TMPRSS2: variants seen among roughly 807,000 people sequenced by gnomAD.
TMPRSS2 encodes the protein transmembrane protease serine 2.
In TMPRSS2, 59 loss-of-function variants were observed where a neutral mutation model predicts 67.4. The ratio of observed to expected loss-of-function variants is 0.88; its 90% CI spans 0.71 to 1.09. TMPRSS2 has a LOEUF of 1.09. TMPRSS2 is among the 50% of genes least tolerant of loss of function. The pLI, the probability that TMPRSS2 is intolerant of heterozygous loss-of-function variation, is 0.00. For missense variants in TMPRSS2, 668 were observed against 642.7 expected (o/e 1.04, Z -0.43); for synonymous variants, 257 against 257.0 (o/e 1.00, Z 0.00).
intron 5 of TMPRSS2, among the ~76,000 whole-genome samples, chr21:41,483,240 G>A (rs796804586): frequency 6.6e-5 from 10 of 152,122 alleles, no homozygotes; most frequent in African/African-American, 1.9e-4. Context: ...ACCTAAAACC[G>A]CTCTAAAATA....
chr21:41,505,602 A>G, intron 1 of TMPRSS2, among the ~76,000 whole-genome samples: 1 of 152,176 alleles, frequency 6.6e-6, no homozygotes, highest in East Asian at 1.9e-4. Context: ...TCATACTGCT[A>G]GAGGGAGCAG....
intron 1 of TMPRSS2, among the ~76,000 whole-genome samples, chr21:41,501,522 T>C (rs2091423420): frequency 6.9e-6 from 1 of 145,196 alleles, no homozygotes; most frequent in Admixed American, 7.2e-5. Flanking sequence ...GGCAGGAGAA[T>C]CACTTGAACC....
intron 1 of TMPRSS2, chr21:41,507,855 G>T: frequency 3.6e-6 from 5 of 1,376,758 alleles, no homozygotes; most frequent in South Asian, 2.9e-5. Context: ...GCTCTCGGCC[G>T]TGCGCAAGGG....
At chr21:41,502,103 A>T (rs1308590675) in intron 1 of TMPRSS2, among the ~76,000 whole-genome samples, 2 of 152,158 alleles carry the variant, frequency 1.3e-5, no homozygotes, top group East Asian at 3.8e-4. Flanking sequence ...TCCATCCTGG[A>T]CTGAGAGCTG....
At position 41,479,197 on chromosome 21, in the gene TMPRSS2, C is replaced by T. The variant is rs777951933; in HGVS notation, c.658G>A (p.Asp220Asn). Residue 220 changes from aspartate to asparagine, a missense_variant, in exon 7 of 14, where the codon GAT becomes AAT. Transcript: ENST00000332149. ...MKLNTSAGNV[D>N]IYKKLYHSDA... is the part of the protein sequence containing the mutation. Reference sequence around the variant, plus strand: ...CTGTGGTACAGTTTTTTATAGATATCGACATTGCCGGCACTTGTGTTCAGT... The same window carrying T: ...CTGTGGTACAGTTTTTTATAGATATTGACATTGCCGGCACTTGTGTTCAGT... 7 of 1,613,780 alleles carry T rather than the reference C, an allele frequency of 4.3e-6. No homozygotes were observed. The highest frequency in any genetic ancestry group is 5.9e-6 in the Non-Finnish European group (7 of 1,179,936).
chr21:41,489,439 G>A (rs887792135), intron 4 of TMPRSS2, 68 bp downstream of exon 4: 1 of 1,368,550 alleles, frequency 7.3e-7, no homozygotes, highest in Non-Finnish European at 1.0e-6. Flanking sequence ...AGCCCAGAGA[G>A]CAGGGTCTGG....
intron 1 of TMPRSS2, among the ~76,000 whole-genome samples, chr21:41,506,954 C>T (rs978599796): frequency 6.6e-6 from 1 of 152,180 alleles, no homozygotes; most frequent in African/African-American, 2.4e-5. Flanking sequence ...GAAGGCGAGC[C>T]CTGGGTGCTC....
intron 5 of TMPRSS2, among the ~76,000 whole-genome samples, chr21:41,482,613 T>C (rs774873534): frequency 5.9e-5 from 9 of 152,206 alleles, no homozygotes; most frequent in Non-Finnish European, 1.3e-4. Flanking sequence ...GTGGGCTTGT[T>C]CCCCCATGAA....
intron 1 of TMPRSS2, among the ~76,000 whole-genome samples, chr21:41,501,585 G>C (rs923968548): frequency 7.5e-6 from 1 of 133,616 alleles, no homozygotes; most frequent in African/African-American, 2.8e-5. Flanking sequence ...CTCCAGCCTG[G>C]GTGACAGAGA....
intron 3 of TMPRSS2, 127 bp downstream of exon 3, chr21:41,494,229 G>C: frequency 9.9e-7 from 1 of 1,013,502 alleles, no homozygotes; most frequent in Non-Finnish European, 1.5e-6. Flanking sequence ...GCTGGCTCCG[G>C]AAGACGGAGG....
intron 12 of TMPRSS2, 183 bp from the exon 13 acceptor site, chr21:41,468,069 C>T: frequency 1.5e-6 from 1 of 648,338 alleles, no homozygotes; most frequent in Non-Finnish European, 2.6e-6. Flanking sequence ...AAAGAGATAG[C>T]CCCCATCCTG....
rs535174935 is a variant in TMPRSS2 at position 41,490,114 on chromosome 21, C to T, written c.239-521G>A. ...AGTGAGCCGAGATCACACCACTGCACTCCAGCCTGGGCGACAGAGCAAAAA... is the reference window on the plus strand; with the variant it reads ...AGTGAGCCGAGATCACACCACTGCATTCCAGCCTGGGCGACAGAGCAAAAA... On this transcript the variant is annotated intron_variant, in intron 3 of 13. Transcript: ENST00000332149. 1.3e-4 allele frequency among the ~76,000 whole-genome samples: 20 copies of T among 148,436 alleles called. 1 individual carries two copies. Among genetic ancestry groups the T allele is most frequent in the Admixed American group, 6.8e-5 (1 of 14,810 alleles).
chr21:41,492,476 G>A (rs2091345784), intron 3 of TMPRSS2, among the ~76,000 whole-genome samples: 1 of 152,098 alleles, frequency 6.6e-6, no homozygotes, highest in African/African-American at 2.4e-5. Context: ...ACTCCTGATG[G>A]GTGCTTCTGA....
Position 41,464,312 on chromosome 21 carries a change from C to A in TMPRSS2, c.*1830G>T, listed in dbSNP as rs939556491. Among the ~76,000 whole-genome samples the A allele has an allele frequency of 1.3e-5, 2 of 152,132 alleles. No individual in the cohort carries two copies. The highest frequency in any genetic ancestry group is 1.3e-4 in the Admixed American group (2 of 15,268). ...ATAAACTTCTTTCTTTTGTAAATTG[C>A]AGTCTTGGGTATGTCTTTATTAGGA... On this transcript the variant is annotated 3_prime_UTR_variant, in exon 14 of 14. Transcript: ENST00000332149.
At chr21:41,502,472 C>T (rs2091431046) in intron 1 of TMPRSS2, 1 of 985,420 alleles carries the variant, frequency 1.0e-6, no homozygotes, top group Non-Finnish European at 1.2e-6. Flanking sequence ...GAACAGACAG[C>T]CTCAGACTCA....
chr21:41,466,998 T>G (rs2091090404), intron 13 of TMPRSS2, among the ~76,000 whole-genome samples: 2 of 152,192 alleles, frequency 1.3e-5, no homozygotes, highest in Admixed American at 1.3e-4. Flanking sequence ...TGGCTGCTCC[T>G]GCCCTTCCTA....
In TMPRSS2 at chr21:41,473,359, C is replaced by T. The variant is rs530689404; in HGVS notation, c.865G>A (p.Glu289Lys). Residue 289 changes from glutamate (E) to lysine (K), a missense_variant, in exon 9 of 14, where the codon GAG (glutamate) becomes AAG (lysine). Glu to Lys is a moderately conservative substitution (Grantham distance 56). Transcript: ENST00000332149. The stretch of plus-strand genomic sequence containing the variant: ...CAGTGGGCGGCTGTCACGATCCACT[C>T]GGGGGTGATGATGGAGCCTCCGCAC... ...HVCGGSIITP[E>K]WIVTAAHCVE... 12 of 1,608,726 alleles carry T rather than the reference C, an allele frequency of 7.5e-6. No individual in the cohort carries two copies. Among genetic ancestry groups the T allele is most frequent in the African/African-American group, 5.3e-5 (4 of 74,956 alleles).
At chr21:41,490,993 G>A (rs2091331140) in intron 3 of TMPRSS2, among the ~76,000 whole-genome samples, 1 of 152,178 alleles carries the variant, frequency 6.6e-6, no homozygotes, top group African/African-American at 2.4e-5. Flanking sequence ...CCCATCTGCT[G>A]AGGGCTCGAT....
At chr21:41,479,671 G>A (rs1395247821) in intron 6 of TMPRSS2, among the ~76,000 whole-genome samples, 1 of 152,124 alleles carries the variant, frequency 6.6e-6, no homozygotes, top group Admixed American at 6.5e-5. Flanking sequence ...CACCCCTGCT[G>A]TTTAGGGATG....
Sources: gnomAD v4.1 joint callset for allele counts (sites outside exome capture counted in the v4.1 genomes callset) on GRCh38, gnomAD v4.1.1 for gene constraint, MANE v1.5 for transcripts, NCBI Gene and HGNC (gene_info 2026-07-23, HGNC 2026-07-21) for gene names.